PCSK2: variants seen among roughly 807,000 people sequenced by gnomAD.
PCSK2 encodes proprotein convertase subtilisin/kexin type 2, also known as neuroendocrine convertase 2.
A neutral mutation model predicts 69.7 loss-of-function variants in PCSK2; 14 were observed. The ratio of observed to expected loss-of-function variants is 0.20; its 90% CI spans 0.13 to 0.31. PCSK2 has a LOEUF of 0.31. PCSK2 is among the 10% of genes least tolerant of loss of function. The pLI is 1.00. For synonymous variants in PCSK2, 307 were observed against 320.7 expected, an observed-to-expected ratio of 0.96 and a Z score of 0.46; for missense variants, 544 against 842.5, an observed-to-expected ratio of 0.65 and a Z score of 4.39.
chr20:17,431,765 A>G (rs2032371896), intron 7 of PCSK2, among the ~76,000 whole-genome samples: 1 of 152,224 alleles, frequency 6.6e-6, no homozygotes, highest in Admixed American at 6.5e-5. Flanking sequence ...TTACTCATGG[A>G]TTACAAAAAC....
At chr20:17,457,988 G>A (rs1238822931) in intron 10 of PCSK2, among the ~76,000 whole-genome samples, 2 of 152,132 alleles carry the variant, frequency 1.3e-5, no homozygotes, top group East Asian at 3.9e-4. Flanking sequence ...AGAGATTCAT[G>A]GCTCTGCCTT....
At chr20:17,335,942 T>C (rs1317609413) in intron 2 of PCSK2, among the ~76,000 whole-genome samples, 2 of 151,560 alleles carry the variant, frequency 1.3e-5, no homozygotes, top group Non-Finnish European at 2.9e-5. Context: ...TTGGGCTGGT[T>C]CCATATTTTT....
intron 1 of PCSK2, among the ~76,000 whole-genome samples, chr20:17,244,194 C>T (rs1803639430): frequency 6.6e-6 from 1 of 152,168 alleles, no homozygotes; most frequent in African/African-American, 2.4e-5. Flanking sequence ...CAATTGGGGA[C>T]TCTGGGTGAC....
At chr20:17,297,009 G>A (rs538027708) in intron 2 of PCSK2, among the ~76,000 whole-genome samples, 1 of 152,040 alleles carries the variant, frequency 6.6e-6, no homozygotes, top group South Asian at 2.1e-4. Context: ...TATTTTTAAG[G>A]GCATTTAAAA....
chr20:17,269,263 C>A (rs180974917), intron 2 of PCSK2, among the ~76,000 whole-genome samples: 3 of 151,966 alleles, frequency 2.0e-5, no homozygotes, highest in Non-Finnish European at 4.4e-5. Flanking sequence ...AGCTTACCTA[C>A]GAAATGAGTG....
At chr20:17,286,949 C>A (rs1031177039) in intron 2 of PCSK2, among the ~76,000 whole-genome samples, 9 of 152,162 alleles carry the variant, frequency 5.9e-5, no homozygotes, top group Admixed American at 5.2e-4. Context: ...GCTGGCAAGT[C>A]CAAAATCTGC....
chr20:17,443,441 C>T (rs2032636895), intron 8 of PCSK2, among the ~76,000 whole-genome samples: 1 of 152,128 alleles, frequency 6.6e-6, no homozygotes, highest in African/African-American at 2.4e-5. Context: ...TTCCTTATTG[C>T]ATTATTCATT....
chr20:17,406,980 G>C (rs1175495636), intron 5 of PCSK2, among the ~76,000 whole-genome samples: 1 of 152,070 alleles, frequency 6.6e-6, no homozygotes, highest in East Asian at 1.9e-4. Context: ...ATTGGCCTCG[G>C]TGGTCAGTTC....
rs867999308 is a variant in PCSK2, at chr20:17,447,270, C to A, written c.886-6472C>A. Among the ~76,000 whole-genome samples, 1,117 of 127,294 alleles carry A rather than the reference C, an allele frequency of 8.8e-3. 1 individual carries two copies. The highest frequency in any genetic ancestry group is 0.01 in the African/African-American group (346 of 34,250). The allele number at this position is 127,294 out of a possible 152,430, so 83.5% of individuals were successfully genotyped here. Reference sequence around the variant, plus strand: ...TGGGTGACAGAGCTATACTCTGTCTCAAAAAAAAAAAAAAATCTATGAAAG... The same window carrying A: ...TGGGTGACAGAGCTATACTCTGTCTAAAAAAAAAAAAAAAATCTATGAAAG... On this transcript the variant is annotated intron_variant, in intron 8 of 11. Coordinates refer to ENST00000262545, the MANE Select transcript of PCSK2 (RefSeq NM_002594.5).
intron 7 of PCSK2, 151 bp downstream of exon 7, chr20:17,429,674 TAAC>T: frequency 1.9e-6 from 1 of 536,272 alleles, no homozygotes; most frequent in Middle Eastern, 5.0e-4. Flanking sequence ...TTAACCTGCA[TAAC>T]AATATCAATA....
rs141373630 is a variant in PCSK2 at position 17,265,199 on chromosome 20, C to T, written c.282+4855C>T. Among the ~76,000 whole-genome samples the T allele has an allele frequency of 3.6e-3, 554 of 152,314 alleles. 2 individuals are homozygous for T. Among genetic ancestry groups the T allele is most frequent in the African/African-American group, 0.012 (494 of 41,570 alleles). On this transcript the variant is annotated intron_variant, in intron 2 of 11. Transcript: ENST00000262545. ...TCCTCCCCCTCTTTTGTCTTGACCA[C>T]ACCTTCCTCCAGTGGATAACTAATG...
intron 2 of PCSK2, among the ~76,000 whole-genome samples, chr20:17,349,343 G>C (rs1420698151): frequency 6.6e-6 from 1 of 152,190 alleles, no homozygotes; most frequent in African/African-American, 2.4e-5. Flanking sequence ...TCCCCTTTCT[G>C]TGAGATGAAG....
intron 2 of PCSK2, among the ~76,000 whole-genome samples, chr20:17,264,400 C>T (rs1407547409): frequency 6.6e-6 from 1 of 152,172 alleles, no homozygotes; most frequent in Non-Finnish European, 1.5e-5. Flanking sequence ...CCAATAAAAA[C>T]TTTCCTTGCT....
chr20:17,467,808 C>A (rs548598098), intron 11 of PCSK2, among the ~76,000 whole-genome samples: 1 of 152,180 alleles, frequency 6.6e-6, no homozygotes, highest in Non-Finnish European at 1.5e-5. Flanking sequence ...ACACAGTAGG[C>A]ACTTAATAAA....
intron 4 of PCSK2, among the ~76,000 whole-genome samples, chr20:17,364,978 C>G (rs570080948): frequency 2.0e-5 from 3 of 152,276 alleles, no homozygotes; most frequent in South Asian, 2.1e-4. Flanking sequence ...GTCTTACTCA[C>G]CAGAGTGGCT....
intron 5 of PCSK2, among the ~76,000 whole-genome samples, chr20:17,381,346 G>A (rs1489665555): frequency 6.6e-6 from 1 of 152,236 alleles, no homozygotes; most frequent in Non-Finnish European, 1.5e-5. Flanking sequence ...CACAATGAGT[G>A]CTCTGCTAGG....
chr20:17,433,825 T>C (rs2032422927), intron 7 of PCSK2, among the ~76,000 whole-genome samples: 1 of 18,774 alleles, frequency 5.3e-5, no homozygotes, highest in Non-Finnish European at 1.1e-4. Context: ...CCCCACTTCC[T>C]TCCCTCCTCC....
At position 17,286,807 on chromosome 20, in the gene PCSK2, G is replaced by T. The variant is rs1600451111; in HGVS notation, c.282+26463G>T. 2.0e-5 allele frequency among the ~76,000 whole-genome samples: 3 copies of T among 152,202 alleles called. No individual in the cohort carries two copies. The East Asian group carries it at 5.8e-4, about 29-fold the overall frequency. On this transcript the variant is annotated intron_variant, in intron 2 of 11. Coordinates refer to ENST00000262545, the MANE Select transcript of PCSK2 (RefSeq NM_002594.5). ...CCTGGTCTCCATCCCAGTGAAGGGG[G>T]TTGTGCTCACAGTCTGTATCAGAAT...
At chr20:17,273,678 C>A (rs778046481) in intron 2 of PCSK2, among the ~76,000 whole-genome samples, 4 of 152,116 alleles carry the variant, frequency 2.6e-5, no homozygotes, top group Non-Finnish European at 4.4e-5. Flanking sequence ...TCTTCCAGAA[C>A]GTTGTGAATA....
Sources: gnomAD v4.1 joint callset for allele counts (sites outside exome capture counted in the v4.1 genomes callset) on GRCh38, gnomAD v4.1.1 for gene constraint, MANE v1.5 for transcripts, NCBI Gene and HGNC (gene_info 2026-07-23, HGNC 2026-07-21) for gene names.